The following COG5 variants were observed in gnomAD, a reference collection of about 807,000 sequenced individuals.
The protein encoded by COG5 is component of oligomeric golgi complex 5.
Under a neutral mutation model 110.4 loss-of-function variants are expected in COG5, and 86 were observed. The observed-to-expected ratio is 0.78, with a 90% CI of 0.65 to 0.93. COG5 has a LOEUF of 0.93. COG5 is among the 40% of genes least tolerant of loss of function. The probability of loss-of-function intolerance (pLI) is 0.00; values close to 1 mark genes in which losing one functional copy is unlikely to be tolerated. For missense variants in COG5, 1,077 were observed against 987.0 expected, an observed-to-expected ratio of 1.09 and a Z score of -1.22; for synonymous variants, 360 against 334.6, an observed-to-expected ratio of 1.08 and a Z score of -0.83.
At chr7:107,445,103 G>A (rs944121362) in intron 6 of COG5, among the ~76,000 whole-genome samples, 10 of 151,968 alleles carry the variant, frequency 6.6e-5, no homozygotes, top group Non-Finnish European at 1.3e-4. Flanking sequence ...GGAGCTTCCA[G>A]GAGCCCAGGA....
At chr7:107,231,317 C>T (rs1335366582) in intron 18 of COG5, among the ~76,000 whole-genome samples, 3 of 152,100 alleles carry the variant, frequency 2.0e-5, no homozygotes, top group Non-Finnish European at 4.4e-5. Flanking sequence ...TAATTGTCAG[C>T]AATTATTATC....
rs569428350 is a variant in COG5, at chr7:107,306,856, A to T, written c.1109-8510T>A. 2.6e-5 allele frequency among the ~76,000 whole-genome samples: 4 copies of T among 152,264 alleles called. No individual in the cohort carries two copies. In the East Asian group the frequency reaches 7.7e-4, roughly 29 times the overall value. On this transcript the variant is annotated intron_variant, in intron 11 of 21. Coordinates refer to ENST00000297135, the MANE Select transcript of COG5 (RefSeq NM_006348.5). ...TCTTCCCGTCTATTTCTAGTCTTCA[A>T]CTTTGACAGGAACACACGTCCAAGA...
At chr7:107,520,245 A>T (rs1239544317) in intron 6 of COG5, among the ~76,000 whole-genome samples, 2 of 152,184 alleles carry the variant, frequency 1.3e-5, no homozygotes, top group African/African-American at 4.8e-5. Context: ...CAAGACAAGG[A>T]TGCCCTCTCT....
chr7:107,491,286 G>C (rs773434735), intron 6 of COG5, among the ~76,000 whole-genome samples: 1 of 152,064 alleles, frequency 6.6e-6, no homozygotes. Flanking sequence ...CCAAAGAAGA[G>C]ATCAATATCC....
intron 3 of COG5, among the ~76,000 whole-genome samples, chr7:107,551,924 C>T (rs1005768632): frequency 4.6e-5 from 7 of 152,208 alleles, no homozygotes; most frequent in African/African-American, 1.7e-4. Context: ...GCCTACACTT[C>T]AATCTTTTAT....
At chr7:107,353,936 C>G (rs1812398191) in intron 10 of COG5, among the ~76,000 whole-genome samples, 1 of 152,070 alleles carries the variant, frequency 6.6e-6, no homozygotes, top group African/African-American at 2.4e-5. Context: ...TCTCTGTCAT[C>G]TGAAATCAAA....
chr7:107,536,983 A>T (rs975624709), intron 5 of COG5, among the ~76,000 whole-genome samples: 3 of 152,154 alleles, frequency 2.0e-5, no homozygotes, highest in Admixed American at 2.0e-4. Context: ...CATATCTACA[A>T]CCATCTGATC....
At chr7:107,396,314 T>C (rs529934755) in intron 7 of COG5, among the ~76,000 whole-genome samples, 3 of 152,310 alleles carry the variant, frequency 2.0e-5, no homozygotes, top group East Asian at 3.9e-4. Context: ...AACCCATTAA[T>C]GCTTGATGTG....
chr7:107,299,127 A>G (rs1273084580), intron 11 of COG5, among the ~76,000 whole-genome samples: 1 of 152,110 alleles, frequency 6.6e-6, no homozygotes, highest in South Asian at 2.1e-4. Flanking sequence ...AGAATATGGA[A>G]AAAGAAGAGC....
intron 6 of COG5, among the ~76,000 whole-genome samples, chr7:107,494,437 T>C (rs1340625513): frequency 6.6e-6 from 1 of 152,194 alleles, no homozygotes; most frequent in African/African-American, 2.4e-5. Flanking sequence ...GAATTTCCTA[T>C]TGCCTACGAT....
chr7:107,336,502 T>C (rs1472092722), intron 10 of COG5, among the ~76,000 whole-genome samples: 2 of 152,146 alleles, frequency 1.3e-5, no homozygotes, highest in African/African-American at 2.4e-5. Context: ...CAGTTAACAA[T>C]AATCTATTGT....
chr7:107,454,413 G>A (rs1414088005), intron 6 of COG5, among the ~76,000 whole-genome samples: 3 of 151,824 alleles, frequency 2.0e-5, no homozygotes, highest in Non-Finnish European at 4.4e-5. Flanking sequence ...TGTATTACAG[G>A]GAAAAAATAA....
At chr7:107,360,441 C>T (rs529224829) in intron 10 of COG5, among the ~76,000 whole-genome samples, 1 of 152,308 alleles carries the variant, frequency 6.6e-6, no homozygotes, top group Admixed American at 6.5e-5. Context: ...AAACATGCCT[C>T]CACTGCTCAC....
chr7:107,308,744 A>G (rs1807943621), intron 11 of COG5, among the ~76,000 whole-genome samples: 1 of 151,030 alleles, frequency 6.6e-6, no homozygotes, highest in East Asian at 2.0e-4. Context: ...AACCATTACC[A>G]ATAAAAAAAG....
chr7:107,316,187 TTTTG>T (rs1406773892), intron 11 of COG5, among the ~76,000 whole-genome samples: 2 of 152,154 alleles, frequency 1.3e-5, no homozygotes, highest in African/African-American at 4.8e-5. Flanking sequence ...AACTTTCTAG[TTTTG>T]TTTTATTTTT....
chr7:107,426,400 A>G (rs923124309), intron 6 of COG5, among the ~76,000 whole-genome samples: 1 of 152,204 alleles, frequency 6.6e-6, no homozygotes, highest in Non-Finnish European at 1.5e-5. Context: ...GTCTTAGTTC[A>G]GGCTGCTATA....
chr7:107,257,730 C>CA (rs1382966053), intron 15 of COG5, among the ~76,000 whole-genome samples: 1 of 151,996 alleles, frequency 6.6e-6, no homozygotes, highest in Non-Finnish European at 1.5e-5. Context: ...TGAAGACAAA[C>CA]AAGGTTCAGC....
chr7:107,276,369 T>G (rs1231459108), intron 14 of COG5, among the ~76,000 whole-genome samples: 1 of 152,194 alleles, frequency 6.6e-6, no homozygotes, highest in African/African-American at 2.4e-5. Context: ...AGAAAAACAC[T>G]AATTCAAACT....
At chr7:107,533,221 C>A (rs368135298) in intron 5 of COG5, among the ~76,000 whole-genome samples, 1 of 150,134 alleles carries the variant, frequency 6.7e-6, no homozygotes, top group Non-Finnish European at 1.5e-5. Flanking sequence ...AAAACCAGCA[C>A]AAAAAGGCTG....
Sources: gnomAD v4.1 joint callset for allele counts (sites outside exome capture counted in the v4.1 genomes callset) on GRCh38, gnomAD v4.1.1 for gene constraint, MANE v1.5 for transcripts, NCBI Gene and HGNC (gene_info 2026-07-23, HGNC 2026-07-21) for gene names.